The following DNAH14 variants were observed in gnomAD, a reference collection of about 807,000 sequenced individuals.
DNAH14 encodes dynein axonemal heavy chain 14.
Under a neutral mutation model 520.9 loss-of-function variants are expected in DNAH14, and 478 were observed. That is an observed-to-expected ratio of 0.92 (90% CI 0.85 to 0.99). The LOEUF is 0.99. Ranked by LOEUF, DNAH14 falls within the 50% of genes least tolerant of loss-of-function variation. The pLI, the probability that DNAH14 is intolerant of heterozygous loss-of-function variation, is 0.00. For synonymous variants in DNAH14, 1,581 were observed against 1,757.2 expected, an observed-to-expected ratio of 0.90 and a Z score of 2.51; for missense variants, 4,831 against 5,234.5, an observed-to-expected ratio of 0.92 and a Z score of 2.38.
chr1:225,003,600 C>T (rs80073259), intron 9 of DNAH14, among the ~76,000 whole-genome samples: 10 of 151,880 alleles, frequency 6.6e-5, no homozygotes, highest in Admixed American at 1.3e-4. Flanking sequence ...AAATCAACAT[C>T]GTATGTTTAG....
intron 35 of DNAH14, among the ~76,000 whole-genome samples, chr1:225,165,562 C>CTTGTTTGT (rs202188752): frequency 2.2e-5 from 3 of 139,378 alleles, no homozygotes; most frequent in South Asian, 2.4e-4. Context: ...TTTTTTTTTA[C>CTTGTTTGT]TTGTTTGTTT....
chr1:225,075,464 A>C (rs2072148419), intron 17 of DNAH14, among the ~76,000 whole-genome samples: 1 of 152,186 alleles, frequency 6.6e-6, no homozygotes, highest in Non-Finnish European at 1.5e-5. Flanking sequence ...CTTAAAAATT[A>C]TTTAAATCTC....
At chr1:225,075,668 T>C (rs549466459) in intron 17 of DNAH14, among the ~76,000 whole-genome samples, 3 of 152,176 alleles carry the variant, frequency 2.0e-5, no homozygotes, top group Non-Finnish European at 2.9e-5. Context: ...AGAGACAACA[T>C]AGTGGGACCC....
chr1:225,240,569 T>C (rs1443958640), intron 42 of DNAH14, 24 bp from the exon 43 acceptor site: 1 of 1,369,298 alleles, frequency 7.3e-7, no homozygotes, highest in Non-Finnish European at 1.0e-6. Flanking sequence ...TTAACCTTCA[T>C]CCTTCCATAC....
chr1:225,136,592 T>C (rs921760739), intron 27 of DNAH14, among the ~76,000 whole-genome samples: 2 of 152,154 alleles, frequency 1.3e-5, no homozygotes, highest in Non-Finnish European at 2.9e-5. Flanking sequence ...ATTTTTTCTT[T>C]CATTTTGACC....
At chr1:225,124,933 G>A (rs1024611445) in intron 27 of DNAH14, among the ~76,000 whole-genome samples, 1 of 152,122 alleles carries the variant, frequency 6.6e-6, no homozygotes, top group Non-Finnish European at 1.5e-5. Context: ...CAGAATGGAT[G>A]TTTTGTTATC....
chr1:225,025,882 A>G (rs2066075859), intron 11 of DNAH14, among the ~76,000 whole-genome samples: 2 of 152,150 alleles, frequency 1.3e-5, no homozygotes, highest in Admixed American at 1.3e-4. Context: ...GATTAGTATA[A>G]TATTTCCATA....
chr1:225,147,079 A>G, intron 30 of DNAH14, 25 bp from the exon 31 acceptor site: 1 of 1,461,056 alleles, frequency 6.8e-7, no homozygotes, highest in South Asian at 1.3e-5. Context: ...AATTTTAGTA[A>G]TCAATCTCTT....
At position 225,013,127 on chromosome 1, in the gene DNAH14, T is replaced by C. The variant is rs138178058; in HGVS notation, c.1107+5583T>C. Among the ~76,000 whole-genome samples the C allele has an allele frequency of 7.1e-3, 1,076 of 152,260 alleles. 9 individuals carry two copies. Among genetic ancestry groups the C allele is most frequent in the African/African-American group, 0.024 (1,009 of 41,558 alleles). On this transcript the variant is annotated intron_variant, in intron 10 of 85. Transcript: ENST00000682510. ...ATCTACCTTTGGTCTTTGCTGTTGG[T>C]GACCTTCAGATGGAGTTTTTGCATG...
chr1:225,079,070 G>A lies in DNAH14; in HGVS notation c.2425-137G>A, dbSNP rs144187410. The A allele has an allele frequency of 7.6e-4, 619 of 810,446 alleles. 5 individuals are homozygous for A. The East Asian group carries it at 0.016, about 21-fold the overall frequency. 50.2% of individuals were successfully genotyped at this position (810,446 alleles called of 1,614,324 possible). On this transcript the variant is annotated intron_variant, in intron 17 of 85. Transcript: ENST00000682510. ...CTCAAGTAGTTCTTTATAGCAGTGTGAGAACAGACTAATACATGATGTTTT... is the reference window on the plus strand; with the variant it reads ...CTCAAGTAGTTCTTTATAGCAGTGTAAGAACAGACTAATACATGATGTTTT...
chr1:225,296,982 C>G (rs983474100), intron 55 of DNAH14, among the ~76,000 whole-genome samples: 3 of 152,070 alleles, frequency 2.0e-5, no homozygotes, highest in African/African-American at 4.8e-5. Context: ...GTTGAATCTA[C>G]TTGGGGACAT....
chr1:225,230,869 T>C (rs2091039824), intron 41 of DNAH14, among the ~76,000 whole-genome samples: 2 of 152,156 alleles, frequency 1.3e-5, no homozygotes, highest in South Asian at 4.1e-4. Context: ...TAAATAAAAA[T>C]CAGTTCTGAC....
chr1:225,246,716 A>G (rs571855261), intron 43 of DNAH14, among the ~76,000 whole-genome samples: 19 of 152,216 alleles, frequency 1.2e-4, no homozygotes, highest in Admixed American at 6.5e-5. Flanking sequence ...AATCATTAAA[A>G]AGTCAGGAAA....
At chr1:225,132,382 C>T (rs1262232418) in intron 27 of DNAH14, among the ~76,000 whole-genome samples, 1 of 150,928 alleles carries the variant, frequency 6.6e-6, no homozygotes, top group Admixed American at 6.6e-5. Flanking sequence ...CAACAGGCCC[C>T]AATGTGTGTT....
At chr1:225,297,842 T>A (rs2989005) in intron 55 of DNAH14, among the ~76,000 whole-genome samples, 93,837 of 152,070 alleles carry the variant, frequency 0.62, 29,590 homozygotes, top group East Asian at 0.79. Flanking sequence ...GCATACAGTT[T>A]CTTGGCTGGC....
intron 8 of DNAH14, among the ~76,000 whole-genome samples, chr1:224,999,105 A>G (rs577355515): frequency 1.3e-5 from 2 of 151,692 alleles, no homozygotes; most frequent in South Asian, 4.2e-4. Flanking sequence ...TGTTTACACA[A>G]TATATCTTTC....
chr1:225,031,859 G>C (rs894245729), intron 11 of DNAH14, among the ~76,000 whole-genome samples: 1 of 151,772 alleles, frequency 6.6e-6, no homozygotes, highest in African/African-American at 2.4e-5. Context: ...TCCTTGTGTT[G>C]TTTCCTTTTG....
At chr1:225,045,513 T>G (rs1229044512) in intron 15 of DNAH14, among the ~76,000 whole-genome samples, 1 of 152,124 alleles carries the variant, frequency 6.6e-6, no homozygotes, top group Non-Finnish European at 1.5e-5. Flanking sequence ...ATAGTTGTTA[T>G]GTCTGCTAAG....
At chr1:225,084,023 G>A (rs1207246859) in intron 20 of DNAH14, among the ~76,000 whole-genome samples, 1 of 152,018 alleles carries the variant, frequency 6.6e-6, no homozygotes. Flanking sequence ...ATGGGGTGGT[G>A]GCCTGTAATA....
Sources: gnomAD v4.1 joint callset for allele counts (sites outside exome capture counted in the v4.1 genomes callset) on GRCh38, gnomAD v4.1.1 for gene constraint, MANE v1.5 for transcripts, NCBI Gene and HGNC (gene_info 2026-07-23, HGNC 2026-07-21) for gene names.